Variants in TSPAN11 observed in about 807,000 individuals in gnomAD.
TSPAN11 encodes tetraspanin 11, also known as tetraspanin-11.
TSPAN11 carries 29 observed loss-of-function variants against 32.9 expected under a neutral mutation model. That is an observed-to-expected ratio of 0.88 (90% confidence interval 0.66 to 1.20). The LOEUF is 1.20. TSPAN11 is among the 50% of genes most tolerant of loss of function. The pLI is 0.00. For synonymous variants in TSPAN11, 140 were observed against 141.3 expected (o/e 0.99, Z 0.07); for missense variants, 283 against 329.1 (o/e 0.86, Z 1.08).
chr12:30,972,140 C>G (rs1938865033), intron 3 of TSPAN11, among the ~76,000 whole-genome samples: 1 of 152,078 alleles, frequency 6.6e-6, no homozygotes, highest in African/African-American at 2.4e-5. Flanking sequence ...TCCGTCAGAC[C>G]ACAGGGGATC....
chr12:31,004,400 G>A, the TSPAN11 span, among the ~76,000 whole-genome samples: 3 of 152,264 alleles, frequency 2.0e-5, no homozygotes, highest in South Asian at 6.2e-4. Flanking sequence ...CAGAGGATGT[G>A]ATTGCCACCC....
chr12:31,003,315 T>C, the TSPAN11 span, among the ~76,000 whole-genome samples: 3 of 152,156 alleles, frequency 2.0e-5, no homozygotes, highest in African/African-American at 7.2e-5. Flanking sequence ...TGGAGGAACA[T>C]CTACTCTATG....
At chr12:30,989,551 A>C (rs1939269148) in intron 7 of TSPAN11, among the ~76,000 whole-genome samples, 1 of 152,160 alleles carries the variant, frequency 6.6e-6, no homozygotes. Flanking sequence ...TCCTATTGGC[A>C]GAGGGGGATT....
chr12:30,955,800 T>A (rs1308980927), intron 2 of TSPAN11, among the ~76,000 whole-genome samples: 1 of 152,208 alleles, frequency 6.6e-6, no homozygotes, highest in African/African-American at 2.4e-5. Context: ...TGTCTTCACA[T>A]GATGTTTTCT....
At chr12:30,952,974 G>A (rs1938411006) in intron 1 of TSPAN11, among the ~76,000 whole-genome samples, 1 of 152,192 alleles carries the variant, frequency 6.6e-6, no homozygotes, top group Admixed American at 6.5e-5. Flanking sequence ...AACTACAAAG[G>A]CTTCAGACTT....
chr12:30,962,557 C>T (rs1314768986), intron 2 of TSPAN11, among the ~76,000 whole-genome samples: 5 of 152,152 alleles, frequency 3.3e-5, no homozygotes, highest in African/African-American at 9.7e-5. Flanking sequence ...GTTTGCTCAA[C>T]GGATGTCTGT....
the TSPAN11 span, among the ~76,000 whole-genome samples, chr12:31,016,462 A>AAAAGG: frequency 6.6e-6 from 1 of 151,420 alleles, no homozygotes; most frequent in Non-Finnish European, 1.5e-5. Context: ...GAAAGAAAAG[A>AAAAGG]AAAGGAAAGG....
chr12:30,990,792 A>G (rs1189426920), intron 7 of TSPAN11, among the ~76,000 whole-genome samples: 1 of 152,244 alleles, frequency 6.6e-6, no homozygotes, highest in Non-Finnish European at 1.5e-5. Flanking sequence ...AGCTGCTAGG[A>G]AAGTCAGGAC....
At chr12:31,011,875 C>T in the TSPAN11 span, among the ~76,000 whole-genome samples, 1 of 152,322 alleles carries the variant, frequency 6.6e-6, no homozygotes, top group East Asian at 1.9e-4. Context: ...GGGTTGGGCT[C>T]CTTTTTCAGT....
chr12:30,930,532 C>G (rs571359737), intron 1 of TSPAN11, among the ~76,000 whole-genome samples: 1 of 152,276 alleles, frequency 6.6e-6, no homozygotes, highest in Non-Finnish European at 1.5e-5. Flanking sequence ...TGTGACCTTC[C>G]GTGTGTTATG....
chr12:30,957,039 G>A (rs1483594245), intron 2 of TSPAN11, among the ~76,000 whole-genome samples: 1 of 152,226 alleles, frequency 6.6e-6, no homozygotes, highest in Admixed American at 6.5e-5. Flanking sequence ...GATGACTTGA[G>A]AGCATCACTT....
chr12:30,978,344 G>T, intron 3 of TSPAN11: 1 of 580,230 alleles, frequency 1.7e-6, no homozygotes. Flanking sequence ...ATATTGGATG[G>T]GTACATGCCG....
chr12:30,940,465 G>A (rs1173961492), intron 1 of TSPAN11, among the ~76,000 whole-genome samples: 4 of 152,208 alleles, frequency 2.6e-5, no homozygotes, highest in African/African-American at 9.7e-5. Context: ...TGGGATGTAA[G>A]AGCAGGAAGT....
chr12:30,970,886 G>A (rs1446242968), intron 3 of TSPAN11, among the ~76,000 whole-genome samples: 1 of 152,212 alleles, frequency 6.6e-6, no homozygotes, highest in Admixed American at 6.5e-5. Context: ...TGAGCCCACT[G>A]CAGTTAATGG....
At chr12:30,979,475 A>AATT in intron 4 of TSPAN11, 91 bp from the exon 5 acceptor site, 2 of 1,176,052 alleles carry the variant, frequency 1.7e-6, no homozygotes, top group Non-Finnish European at 2.5e-6. Flanking sequence ...AGTGTTCTAG[A>AATT]ATTAGCTGGG....
At position 30,963,840 on chromosome 12, in the gene TSPAN11, C is replaced by T. The variant is rs142794705; in HGVS notation, c.99C>T (p.Ala33=). The part of the protein sequence containing the change: ...FNFFFWVGGA[A]VLAVGIWTLV... ...GTCTCCTGCAGGTCGGGGGAGCAGCCGTCCTGGCTGTGGGCATCTGGACCC... is the reference window on the plus strand; with the variant it reads ...GTCTCCTGCAGGTCGGGGGAGCAGCTGTCCTGGCTGTGGGCATCTGGACCC... The change falls in exon 3 of 8, where the codon GCC becomes GCT. Residue 33 remains alanine (A), a synonymous_variant. Coordinates refer to ENST00000546076, the MANE Select transcript of TSPAN11 (RefSeq NM_001370302.1). 171 of 1,608,792 alleles carry T rather than the reference C, an allele frequency of 1.1e-4. 1 individual carries two copies. The highest frequency in any genetic ancestry group is 5.7e-4 in the African/African-American group (43 of 74,944).
chr12:31,014,599 C>T, the TSPAN11 span, among the ~76,000 whole-genome samples: 1 of 152,060 alleles, frequency 6.6e-6, no homozygotes, highest in African/African-American at 2.4e-5. Flanking sequence ...ACTGGGAGTT[C>T]AAAATTTTTG....
chr12:30,989,266 C>T (rs144564944), intron 7 of TSPAN11, among the ~76,000 whole-genome samples: 11 of 152,250 alleles, frequency 7.2e-5, no homozygotes, highest in South Asian at 2.1e-4. Flanking sequence ...TAACCAGTCA[C>T]GGGAGGTCAG....
At chr12:30,957,506 A>G (rs1273943461) in intron 2 of TSPAN11, among the ~76,000 whole-genome samples, 3 of 152,168 alleles carry the variant, frequency 2.0e-5, no homozygotes, top group Non-Finnish European at 4.4e-5. Context: ...TAAACTGAGC[A>G]TTAGGATTCC....
Sources: allele counts gnomAD v4.1 joint callset (sites outside exome capture counted in the v4.1 genomes callset), GRCh38; gene constraint gnomAD v4.1.1; transcripts MANE v1.5; gene names NCBI Gene and HGNC (gene_info 2026-07-23, HGNC 2026-07-21).